Variants in ITIH5 observed in about 807,000 individuals in gnomAD.
The protein encoded by ITIH5 is inter-alpha-trypsin inhibitor heavy chain H5.
In ITIH5, 65 loss-of-function variants were observed where a neutral mutation model predicts 77.5. The ratio of observed to expected loss-of-function variants is 0.84; its 90% CI spans 0.69 to 1.03. The LOEUF (loss-of-function observed/expected upper bound fraction) is 1.03, where lower values mean the gene tolerates loss of function less well. Ranked by LOEUF, ITIH5 falls within the 50% of genes least tolerant of loss-of-function variation. ITIH5 has a pLI of 0.00. For synonymous variants in ITIH5, 525 were observed against 494.3 expected (o/e 1.06, Z -0.82); for missense variants, 1,208 against 1,213.1 (o/e 1.00, Z 0.06).
intron 7 of ITIH5, among the ~76,000 whole-genome samples, chr10:7,593,842 A>G (rs1162614203): frequency 1.3e-5 from 2 of 152,184 alleles, no homozygotes; most frequent in African/African-American, 4.8e-5. Context: ...TGCAGACTGC[A>G]GCCACCTGGC....
intron 7 of ITIH5, among the ~76,000 whole-genome samples, chr10:7,604,497 G>A (rs1320502557): frequency 6.6e-6 from 1 of 152,198 alleles, no homozygotes; most frequent in Non-Finnish European, 1.5e-5. Context: ...TTTTCATTCT[G>A]AGACTCTTAG....
chr10:7,580,707 G>A (rs1435420698), intron 8 of ITIH5, among the ~76,000 whole-genome samples: 6 of 152,256 alleles, frequency 3.9e-5, no homozygotes, highest in Non-Finnish European at 8.8e-5. Context: ...AGAAAGAGCC[G>A]CAGAGGGGAG....
At chr10:7,587,790 C>T (rs1444451759) in intron 7 of ITIH5, among the ~76,000 whole-genome samples, 1 of 152,166 alleles carries the variant, frequency 6.6e-6, no homozygotes, top group Non-Finnish European at 1.5e-5. Flanking sequence ...TCCAGAAGGA[C>T]ATGTGCTAAG....
intron 2 of ITIH5, among the ~76,000 whole-genome samples, chr10:7,646,711 T>A (rs574139754): frequency 1.3e-4 from 20 of 152,252 alleles, no homozygotes; most frequent in African/African-American, 4.6e-4. Context: ...TGTCCCTCAA[T>A]CCCCTCTATA....
intron 7 of ITIH5, among the ~76,000 whole-genome samples, chr10:7,604,316 G>C (rs1833078836): frequency 1.3e-5 from 2 of 152,154 alleles, no homozygotes; most frequent in African/African-American, 4.8e-5. Context: ...CTTTGATGGA[G>C]CCAGCTTCAT....
chr10:7,634,103 A>AAAAT (rs1402547459), intron 5 of ITIH5, among the ~76,000 whole-genome samples: 1 of 151,570 alleles, frequency 6.6e-6, no homozygotes, highest in Non-Finnish European at 1.5e-5. Context: ...AAAAAAAAAA[A>AAAAT]AAAAAAGGAA....
At chr10:7,640,663 A>G in intron 4 of ITIH5, 91 bp downstream of exon 4, 1 of 750,904 alleles carries the variant, frequency 1.3e-6, no homozygotes. Context: ...ATTTGGAGGA[A>G]AGGAAGACGA....
chr10:7,569,832 G>T, intron 11 of ITIH5, 48 bp from the exon 12 acceptor site: 2 of 1,132,672 alleles, frequency 1.8e-6, no homozygotes, highest in Non-Finnish European at 2.5e-6. Context: ...CACTTATTCA[G>T]TACCTTCCTT....
intron 6 of ITIH5, 46 bp from the exon 7 acceptor site, chr10:7,616,144 G>T: frequency 9.0e-7 from 1 of 1,105,284 alleles, no homozygotes. Flanking sequence ...CTAGAGCGGG[G>T]AGCAAAAATA....
intron 5 of ITIH5, among the ~76,000 whole-genome samples, chr10:7,629,393 CCATGTTGTAGAGTGTGT>C (rs1833672185): frequency 6.6e-6 from 1 of 150,460 alleles, no homozygotes. Flanking sequence ...TAGCGTGTGT[CCATGTTGTAGAGTGTGT>C]CCATGTTGTA....
intron 7 of ITIH5, among the ~76,000 whole-genome samples, chr10:7,591,365 C>T (rs1485373732): frequency 6.6e-6 from 1 of 152,164 alleles, no homozygotes; most frequent in Admixed American, 6.5e-5. Context: ...GTGGTGGCAC[C>T]AGGGGCTGCC....
chr10:7,565,112 A>G (rs11593159), intron 13 of ITIH5, among the ~76,000 whole-genome samples: 4 of 138,688 alleles, frequency 2.9e-5, no homozygotes, highest in African/African-American at 1.3e-4. Flanking sequence ...ACATATACAG[A>G]CTGTGTATAT....
At chr10:7,602,717 T>C (rs1480402621) in intron 7 of ITIH5, among the ~76,000 whole-genome samples, 1 of 152,196 alleles carries the variant, frequency 6.6e-6, no homozygotes, top group African/African-American at 2.4e-5. Context: ...AACAAACTCA[T>C]ATAATATTTC....
intron 2 of ITIH5, among the ~76,000 whole-genome samples, chr10:7,643,007 T>TGAGTG (rs1288646282): frequency 1.3e-5 from 2 of 152,280 alleles, no homozygotes; most frequent in African/African-American, 4.8e-5. Context: ...TATTTGGAGA[T>TGAGTG]GAGTGCCTTT....
intron 7 of ITIH5, among the ~76,000 whole-genome samples, chr10:7,600,064 GAGA>G (rs1245420896): frequency 6.6e-6 from 1 of 152,222 alleles, no homozygotes; most frequent in Non-Finnish European, 1.5e-5. Flanking sequence ...GTCCAGAGCA[GAGA>G]AGGCAGTAGA....
intron 7 of ITIH5, among the ~76,000 whole-genome samples, chr10:7,596,015 A>T (rs1832888098): frequency 6.6e-6 from 1 of 152,238 alleles, no homozygotes; most frequent in Non-Finnish European, 1.5e-5. Flanking sequence ...CTAAATTAAT[A>T]AATAAATAAA....
At chr10:7,629,760 G>A (rs575396464) in intron 5 of ITIH5, among the ~76,000 whole-genome samples, 1 of 152,282 alleles carries the variant, frequency 6.6e-6, no homozygotes, top group East Asian at 1.9e-4. Context: ...TGGGGCTACT[G>A]TGAATACTGC....
chr10:7,586,605 T>A (rs1387604793), intron 7 of ITIH5, among the ~76,000 whole-genome samples: 1 of 152,176 alleles, frequency 6.6e-6, no homozygotes, highest in African/African-American at 2.4e-5. Context: ...GTCTCCTTCA[T>A]CTTCCTAACA....
At chr10:7,663,436 T>C (rs1834310827) in intron 1 of ITIH5, among the ~76,000 whole-genome samples, 1 of 152,232 alleles carries the variant, frequency 6.6e-6, no homozygotes, top group Non-Finnish European at 1.5e-5. Context: ...ATTAAATTAT[T>C]ATTTACATGC....
Sources: allele counts gnomAD v4.1 joint callset (sites outside exome capture counted in the v4.1 genomes callset), GRCh38; gene constraint gnomAD v4.1.1; transcripts MANE v1.5; gene names NCBI Gene and HGNC (gene_info 2026-07-23, HGNC 2026-07-21).